The following ZCCHC14 variants were observed in gnomAD, a reference collection of about 807,000 sequenced individuals.
ZCCHC14 encodes the protein zinc finger CCHC-type containing 14, also known as zinc finger CCHC domain-containing protein 14.
In ZCCHC14, 16 loss-of-function variants were observed where a neutral mutation model predicts 85.0. The ratio of observed to expected loss-of-function variants is 0.19; its 90% CI spans 0.13 to 0.29. ZCCHC14 has a LOEUF of 0.29. ZCCHC14 is among the 10% of genes least tolerant of loss of function. ZCCHC14 has a pLI of 1.00. For synonymous variants in ZCCHC14, 775 were observed against 630.7 expected (o/e 1.23, Z -3.43); for missense variants, 1,303 against 1,443.5 (o/e 0.90, Z 1.58).
At chr16:87,442,120 G>A (rs760814818) in intron 2 of ZCCHC14, among the ~76,000 whole-genome samples, 14 of 152,326 alleles carry the variant, frequency 9.2e-5, no homozygotes, top group East Asian at 7.7e-4. Flanking sequence ...ACCCCGTGGC[G>A]TTGTGGGTGC....
chr16:87,478,022 G>A (rs1454050482), intron 1 of ZCCHC14, among the ~76,000 whole-genome samples: 1 of 152,114 alleles, frequency 6.6e-6, no homozygotes, highest in Non-Finnish European at 1.5e-5. Flanking sequence ...CCCACGCATC[G>A]CTCCTCCCTG....
chr16:87,482,474 G>A (rs1912324447), intron 1 of ZCCHC14, among the ~76,000 whole-genome samples: 1 of 152,186 alleles, frequency 6.6e-6, no homozygotes, highest in East Asian at 1.9e-4. Flanking sequence ...CCAGGCTGCA[G>A]AAGCCACCAT....
intron 2 of ZCCHC14, among the ~76,000 whole-genome samples, chr16:87,447,636 G>A (rs778458072): frequency 3.3e-5 from 5 of 152,154 alleles, no homozygotes; most frequent in Non-Finnish European, 7.4e-5. Context: ...TTTCCAGTTT[G>A]GGGCTATTAT....
At chr16:87,451,610 C>A (rs902329654) in intron 2 of ZCCHC14, among the ~76,000 whole-genome samples, 1 of 152,176 alleles carries the variant, frequency 6.6e-6, no homozygotes, top group Non-Finnish European at 1.5e-5. Context: ...ACGTTCTAAG[C>A]GCAGCGCCAG....
intron 2 of ZCCHC14, among the ~76,000 whole-genome samples, chr16:87,441,047 A>G (rs1049705958): frequency 6.1e-5 from 9 of 147,290 alleles, no homozygotes; most frequent in African/African-American, 1.0e-4. Flanking sequence ...TCTGTCACCC[A>G]GGCTGGAGTG....
chr16:87,461,884 G>A (rs900536265), intron 1 of ZCCHC14, among the ~76,000 whole-genome samples: 34 of 152,254 alleles, frequency 2.2e-4, no homozygotes, highest in African/African-American at 7.2e-4. Flanking sequence ...CATGCAGGGA[G>A]AGGGACTAAC....
chr16:87,441,081 G>C (rs1327219894), intron 2 of ZCCHC14, among the ~76,000 whole-genome samples: 1 of 149,908 alleles, frequency 6.7e-6, no homozygotes, highest in African/African-American at 2.5e-5. Flanking sequence ...TCGGCTCACT[G>C]CAAGCTCCGC....
chr16:87,411,431 A>G (rs1908427822), intron 12 of ZCCHC14, 85 bp downstream of exon 12: 2 of 1,549,526 alleles, frequency 1.3e-6, no homozygotes, highest in South Asian at 1.2e-5. Flanking sequence ...TTACAAAGAA[A>G]GAAGTTTACT....
intron 1 of ZCCHC14, among the ~76,000 whole-genome samples, chr16:87,480,090 T>C (rs1294432425): frequency 1.3e-5 from 2 of 151,850 alleles, no homozygotes; most frequent in Non-Finnish European, 2.9e-5. Context: ...TGCCAGCTTT[T>C]GAAAAATATA....
rs190596750 is a variant in ZCCHC14, at chr16:87,428,051, A to G, written c.769-4170T>C. 3.0e-3 allele frequency among the ~76,000 whole-genome samples: 450 copies of G among 151,290 alleles called. 1 individual carries two copies. The highest frequency in any genetic ancestry group is 0.024 in the Middle Eastern group (7 of 294). ...CCTCAGCTGCCTACATGCTGACTTT[A>G]TATCAAAAAGGTTCCATCATTTGAT... is the stretch of plus-strand genomic sequence containing the variant. On this transcript the variant is annotated intron_variant, in intron 3 of 12. Coordinates refer to ENST00000671377, the MANE Select transcript of ZCCHC14 (RefSeq NM_015144.3).
chr16:87,462,478 C>A (rs996089345), intron 1 of ZCCHC14, among the ~76,000 whole-genome samples: 1 of 152,036 alleles, frequency 6.6e-6, no homozygotes, highest in Admixed American at 6.5e-5. Flanking sequence ...CAGTGGCTCA[C>A]GCCTGTAATC....
At chr16:87,439,848 A>G (rs1458243313) in intron 2 of ZCCHC14, among the ~76,000 whole-genome samples, 1 of 152,234 alleles carries the variant, frequency 6.6e-6, no homozygotes, top group Non-Finnish European at 1.5e-5. Context: ...GGTAAATCAA[A>G]CCACAGGACA....
intron 1 of ZCCHC14, among the ~76,000 whole-genome samples, chr16:87,490,795 GCA>G (rs1395445923): frequency 6.6e-6 from 1 of 152,140 alleles, no homozygotes; most frequent in Non-Finnish European, 1.5e-5. Context: ...ACAAGCATGT[GCA>G]CATTCATACA....
intron 2 of ZCCHC14, among the ~76,000 whole-genome samples, chr16:87,437,870 A>G (rs1262360242): frequency 6.6e-6 from 1 of 152,240 alleles, no homozygotes; most frequent in East Asian, 1.9e-4. Context: ...GGAAGCTGGA[A>G]TAAGAATGGT....
intron 10 of ZCCHC14, among the ~76,000 whole-genome samples, chr16:87,413,728 A>C (rs1162214311): frequency 6.7e-6 from 1 of 150,264 alleles, no homozygotes; most frequent in Non-Finnish European, 1.5e-5. Context: ...GGGTCCCCCA[A>C]AGCAGGAAGG....
chr16:87,446,677 G>C (rs1910453797), intron 2 of ZCCHC14, among the ~76,000 whole-genome samples: 1 of 152,036 alleles, frequency 6.6e-6, no homozygotes, highest in South Asian at 2.1e-4. Flanking sequence ...GTTTATAGCT[G>C]AGGTCAGCAA....
intron 3 of ZCCHC14, among the ~76,000 whole-genome samples, chr16:87,431,980 G>A (rs1206790965): frequency 6.6e-6 from 1 of 152,184 alleles, no homozygotes; most frequent in East Asian, 1.9e-4. Context: ...ATTTTCAAAT[G>A]AAAAACGCAC....
At chr16:87,478,530 C>T (rs1912125526) in intron 1 of ZCCHC14, among the ~76,000 whole-genome samples, 1 of 152,128 alleles carries the variant, frequency 6.6e-6, no homozygotes, top group Non-Finnish European at 1.5e-5. Context: ...TATTTGTGTC[C>T]GGGTAGAGTT....
At chr16:87,472,718 C>A (rs542253573) in intron 1 of ZCCHC14, 1 of 152,226 alleles carries the variant, frequency 6.6e-6, no homozygotes, top group Non-Finnish European at 1.5e-5. Context: ...TGGTTCCTTC[C>A]CCCTCAAGAA....
Sources: allele counts gnomAD v4.1 joint callset (sites outside exome capture counted in the v4.1 genomes callset), GRCh38; gene constraint gnomAD v4.1.1; transcripts MANE v1.5; gene names NCBI Gene and HGNC (gene_info 2026-07-23, HGNC 2026-07-21).